The following RAD51B variants were observed in gnomAD, a reference collection of about 807,000 sequenced individuals.
The protein encoded by RAD51B is RAD51 paralog B.
Under a neutral mutation model 42.2 loss-of-function variants are expected in RAD51B, and 38 were observed. The observed-to-expected ratio is 0.90, with a 90% CI of 0.70 to 1.18. The LOEUF (loss-of-function observed/expected upper bound fraction) is 1.18. RAD51B is among the 50% of genes most tolerant of loss of function. RAD51B has a pLI of 0.00. For missense variants in RAD51B, 373 were observed against 400.7 expected (o/e 0.93, Z 0.59); for synonymous variants, 154 against 145.2 (o/e 1.06, Z -0.43).
At chr14:68,074,566 G>A (rs925737477) in intron 7 of RAD51B, among the ~76,000 whole-genome samples, 2 of 152,212 alleles carry the variant, frequency 1.3e-5, no homozygotes, top group Non-Finnish European at 2.9e-5. Context: ...CATTGCTGGG[G>A]AGATGTTGTA....
At chr14:68,198,881 C>T (rs2079426913) in intron 7 of RAD51B, among the ~76,000 whole-genome samples, 1 of 152,208 alleles carries the variant, frequency 6.6e-6, no homozygotes, top group East Asian at 1.9e-4. Context: ...GGAGAAATAA[C>T]TGTTACACAA....
At chr14:68,410,140 C>G (rs1453786034) in intron 8 of RAD51B, among the ~76,000 whole-genome samples, 1 of 152,156 alleles carries the variant, frequency 6.6e-6, no homozygotes, top group Non-Finnish European at 1.5e-5. Flanking sequence ...AGCAGCATCA[C>G]CAGCCTCTAC....
At chr14:68,440,184 T>C (rs2140157471) in intron 9 of RAD51B, among the ~76,000 whole-genome samples, 1 of 152,376 alleles carries the variant, frequency 6.6e-6, no homozygotes, top group South Asian at 2.1e-4. Context: ...CTAAGGCTGC[T>C]CTTACTGACT....
chr14:68,273,168 CTG>C (rs761038137), intron 7 of RAD51B, among the ~76,000 whole-genome samples: 1 of 152,064 alleles, frequency 6.6e-6, no homozygotes, highest in Non-Finnish European at 1.5e-5. Flanking sequence ...AGGGGAATAA[CTG>C]AGATTAACTG....
At chr14:68,601,274 G>A (rs1259736470) in intron 10 of RAD51B, among the ~76,000 whole-genome samples, 1 of 152,040 alleles carries the variant, frequency 6.6e-6, no homozygotes, top group Non-Finnish European at 1.5e-5. Context: ...GATGGGTGAT[G>A]TAGGAATGGC....
intron 7 of RAD51B, among the ~76,000 whole-genome samples, chr14:68,146,654 A>T (rs1000722479): frequency 6.6e-6 from 1 of 152,206 alleles, no homozygotes; most frequent in Non-Finnish European, 1.5e-5. Flanking sequence ...AGAAAGAGGC[A>T]CTATGTACCT....
chr14:68,095,971 C>CAAAAAAAA (rs56862052), intron 7 of RAD51B, among the ~76,000 whole-genome samples: 9 of 62,612 alleles, frequency 1.4e-4, no homozygotes, highest in Admixed American at 3.4e-4. Context: ...GACTCCGTCT[C>CAAAAAAAA]AAAAAAAAAA....
chr14:68,069,881 T>C (rs1357575486), intron 7 of RAD51B, among the ~76,000 whole-genome samples: 1 of 152,200 alleles, frequency 6.6e-6, no homozygotes, highest in Non-Finnish European at 1.5e-5. Context: ...CTACAGTGGC[T>C]GAACTAATTT....
chr14:68,082,498 T>A (rs963514859), intron 7 of RAD51B, among the ~76,000 whole-genome samples: 102 of 151,978 alleles, frequency 6.7e-4, no homozygotes, highest in Non-Finnish European at 1.4e-3. Context: ...TGTATTTATG[T>A]ATGTATGTAT....
Position 68,516,879 on chromosome 14 carries a change from G to A in RAD51B, c.1036+48629G>A, listed in dbSNP as rs190246827. Among the ~76,000 whole-genome samples, 848 of 152,302 alleles carry A rather than the reference G, an allele frequency of 5.6e-3. 5 individuals are homozygous for A. Among genetic ancestry groups the A allele is most frequent in the Non-Finnish European group, 7.1e-3 (484 of 68,032 alleles). On this transcript the variant is annotated intron_variant, in intron 10 of 10. Transcript: ENST00000487270. Reference sequence around the variant, plus strand: ...CATCAAAAACCTCTGTAAGTGTTGGGAAGGTGTTAAGTTCACTATGGCAGA... The same window carrying A: ...CATCAAAAACCTCTGTAAGTGTTGGAAAGGTGTTAAGTTCACTATGGCAGA...
intron 7 of RAD51B, among the ~76,000 whole-genome samples, chr14:68,086,989 G>T (rs1020803229): frequency 6.6e-6 from 1 of 152,022 alleles, no homozygotes; most frequent in African/African-American, 2.4e-5. Context: ...TACAAAATTA[G>T]CTGGGTGTGG....
In RAD51B at chr14:68,128,017, A is replaced by G. The variant is rs562076321; in HGVS notation, c.757-163867A>G. Among the ~76,000 whole-genome samples the G allele has an allele frequency of 5.3e-5, 8 of 152,354 alleles. 1 individual carries two copies. In the South Asian group the frequency reaches 1.7e-3, roughly 32 times the overall value. Reference sequence around the variant, plus strand: ...ATCTATTGAATGGAACATAAAAATGAATGTATGATACAATTAGAAAAACCC... The same window carrying G: ...ATCTATTGAATGGAACATAAAAATGGATGTATGATACAATTAGAAAAACCC... On this transcript the variant is annotated intron_variant, in intron 7 of 10. Transcript: ENST00000471583.
At chr14:68,199,693 T>C (rs1371511699) in intron 7 of RAD51B, among the ~76,000 whole-genome samples, 1 of 152,242 alleles carries the variant, frequency 6.6e-6, no homozygotes, top group Non-Finnish European at 1.5e-5. Flanking sequence ...CGAGACCCAA[T>C]AGAGGATGTC....
intron 8 of RAD51B, among the ~76,000 whole-genome samples, chr14:68,386,533 A>T (rs1169197449): frequency 1.3e-5 from 2 of 152,194 alleles, no homozygotes; most frequent in Admixed American, 1.3e-4. Context: ...CACATTTAGC[A>T]CATGCAGGGC....
At chr14:68,637,600 C>T (rs972742029) in intron 10 of RAD51B, among the ~76,000 whole-genome samples, 1 of 152,102 alleles carries the variant, frequency 6.6e-6, no homozygotes, top group African/African-American at 2.4e-5. Context: ...ACAAAGGCAG[C>T]AAGATTATTT....
At chr14:68,417,922 T>C (rs983517983) in intron 9 of RAD51B, among the ~76,000 whole-genome samples, 1 of 152,196 alleles carries the variant, frequency 6.6e-6, no homozygotes, top group South Asian at 2.1e-4. Flanking sequence ...GTACAATGAC[T>C]CCCACGCTGG....
chr14:68,110,934 T>C (rs2077450497), intron 7 of RAD51B, among the ~76,000 whole-genome samples: 1 of 152,096 alleles, frequency 6.6e-6, no homozygotes, highest in Non-Finnish European at 1.5e-5. Context: ...TTCCAGGTTG[T>C]CAGTCCTAAA....
At chr14:68,653,003 G>A (rs150209768) in intron 11 of RAD51B, among the ~76,000 whole-genome samples, 19 of 152,336 alleles carry the variant, frequency 1.2e-4, no homozygotes, top group African/African-American at 4.6e-4. Flanking sequence ...TAATAGGCTG[G>A]TCCTTTTCTT....
intron 5 of RAD51B, among the ~76,000 whole-genome samples, chr14:67,876,221 T>C (rs1418569465): frequency 2.6e-5 from 4 of 152,210 alleles, no homozygotes; most frequent in Non-Finnish European, 5.9e-5. Flanking sequence ...ATAGTACGTA[T>C]GTACAAGAAG....
Sources: gnomAD v4.1 joint callset for allele counts (sites outside exome capture counted in the v4.1 genomes callset) on GRCh38, gnomAD v4.1.1 for gene constraint, MANE v1.5 for transcripts, NCBI Gene and HGNC (gene_info 2026-07-23, HGNC 2026-07-21) for gene names.